Variants in PBX3 observed in about 807,000 individuals in gnomAD.
PBX3 encodes PBX homeobox 3.
PBX3 carries 14 observed loss-of-function variants against 48.5 expected under a neutral mutation model. The observed-to-expected ratio is 0.29, with a 90% CI of 0.19 to 0.45. PBX3 has a LOEUF of 0.45. Ranked by LOEUF, PBX3 falls within the 20% of genes least tolerant of loss-of-function variation. PBX3 has a pLI of 1.00. For synonymous variants in PBX3, 210 were observed against 200.3 expected, an observed-to-expected ratio of 1.05 and a Z score of -0.41; for missense variants, 386 against 546.7, an observed-to-expected ratio of 0.71 and a Z score of 2.93.
chr9:125,780,778 C>G (rs1231200346), intron 2 of PBX3, among the ~76,000 whole-genome samples: 11 of 128,552 alleles, frequency 8.6e-5, no homozygotes, highest in South Asian at 5.4e-4. Flanking sequence ...GGGGGGCTGA[C>G]CCCCCCACCT....
intron 2 of PBX3, among the ~76,000 whole-genome samples, chr9:125,833,854 T>C (rs1839039889): frequency 6.6e-6 from 1 of 152,228 alleles, no homozygotes; most frequent in African/African-American, 2.4e-5. Flanking sequence ...TTTTCTTTGG[T>C]ATATACCTTG....
chr9:125,952,991 TAA>T (rs538418159), intron 5 of PBX3, among the ~76,000 whole-genome samples: 1 of 142,016 alleles, frequency 7.0e-6, no homozygotes, highest in African/African-American at 2.6e-5. Flanking sequence ...TTTACCAAAA[TAA>T]AAAAAAAAAG....
intron 2 of PBX3, among the ~76,000 whole-genome samples, chr9:125,791,297 GTCTGTCTA>G (rs1337203989): frequency 0.1 from 13,260 of 127,558 alleles, 625 homozygotes; most frequent in East Asian, 0.15. Flanking sequence ...CTGTCTGTCT[GTCTGTCTA>G]TCTATCTATC....
chr9:125,964,459 C>T (rs1437951427), intron 8 of PBX3, among the ~76,000 whole-genome samples: 2 of 151,278 alleles, frequency 1.3e-5, no homozygotes, highest in Non-Finnish European at 2.9e-5. Context: ...CACACATGGG[C>T]ATGTCATTAG....
chr9:125,798,433 GT>G (rs1279710560), intron 2 of PBX3, among the ~76,000 whole-genome samples: 1 of 152,000 alleles, frequency 6.6e-6, no homozygotes, highest in Non-Finnish European at 1.5e-5. Context: ...GCCCCTTGAT[GT>G]TGATTGTTAA....
chr9:125,831,088 A>G (rs1838949993), intron 2 of PBX3, among the ~76,000 whole-genome samples: 1 of 152,154 alleles, frequency 6.6e-6, no homozygotes, highest in Admixed American at 6.5e-5. Context: ...TTCCTGTAGA[A>G]TGCCCCAATT....
intron 2 of PBX3, among the ~76,000 whole-genome samples, chr9:125,899,797 A>G (rs1258810656): frequency 1.3e-5 from 2 of 151,762 alleles, no homozygotes; most frequent in Non-Finnish European, 3.0e-5. Flanking sequence ...AATATTTCCT[A>G]TTAAATTTAT....
chr9:125,895,423 A>G (rs1478133040), intron 2 of PBX3, among the ~76,000 whole-genome samples: 1 of 152,094 alleles, frequency 6.6e-6, no homozygotes, highest in African/African-American at 2.4e-5. Flanking sequence ...CTAAGGATTT[A>G]TTATTCCAAA....
At chr9:125,845,181 C>T (rs7038355) in intron 2 of PBX3, among the ~76,000 whole-genome samples, 3,905 of 152,136 alleles carry the variant, frequency 0.026, 66 homozygotes, top group Middle Eastern at 0.051. Context: ...ATTCCCTAAC[C>T]GGTATACTTT....
intron 2 of PBX3, among the ~76,000 whole-genome samples, chr9:125,862,529 G>A (rs1175206073): frequency 6.6e-6 from 1 of 152,066 alleles, no homozygotes; most frequent in African/African-American, 2.4e-5. Flanking sequence ...TAGGATTGCA[G>A]GAGTGTGCCA....
intron 2 of PBX3, among the ~76,000 whole-genome samples, chr9:125,788,874 CAAAA>C (rs199772154): frequency 2.2e-5 from 3 of 139,232 alleles, no homozygotes; most frequent in African/African-American, 7.9e-5. Flanking sequence ...GACTCCATCT[CAAAA>C]AAAAAAAAGG....
At chr9:125,934,655 A>G (rs1841795134) in intron 4 of PBX3, among the ~76,000 whole-genome samples, 1 of 152,156 alleles carries the variant, frequency 6.6e-6, no homozygotes, top group Admixed American at 6.5e-5. Context: ...ACCTCAGTCC[A>G]GGAAGTTGCT....
chr9:125,827,324 T>C (rs1460349449), intron 2 of PBX3, among the ~76,000 whole-genome samples: 1 of 152,172 alleles, frequency 6.6e-6, no homozygotes, highest in African/African-American at 2.4e-5. Flanking sequence ...ATGTTAACAT[T>C]TTGCCATCTC....
rs371254057 is a variant in PBX3, at chr9:125,813,031, T to C, written c.274+64408T>C. ...ACTACCGCACACTTTATATATGATG[T>C]ACACTTAGGCTATACTAAATTTATA... is the stretch of plus-strand genomic sequence containing the variant. On this transcript the variant is annotated intron_variant, in intron 2 of 8. Transcript: ENST00000373489. Among the ~76,000 whole-genome samples, 20 of 152,340 alleles carry C rather than the reference T, an allele frequency of 1.3e-4. 1 individual carries two copies. The highest frequency in any genetic ancestry group is 1.2e-3 in the East Asian group (6 of 5,190).
chr9:125,751,961 G>C (rs941509910), intron 2 of PBX3, among the ~76,000 whole-genome samples: 8 of 151,724 alleles, frequency 5.3e-5, no homozygotes, highest in Non-Finnish European at 5.9e-5. Context: ...TTTAAGTGAA[G>C]GAAATAGTTC....
intron 2 of PBX3, among the ~76,000 whole-genome samples, chr9:125,837,826 G>A (rs531525390): frequency 1.3e-5 from 2 of 152,128 alleles, no homozygotes; most frequent in Non-Finnish European, 2.9e-5. Flanking sequence ...TCCTGACCTT[G>A]TGATCCGCCC....
At chr9:125,840,142 T>C (rs975836282) in intron 2 of PBX3, among the ~76,000 whole-genome samples, 2 of 152,140 alleles carry the variant, frequency 1.3e-5, no homozygotes, top group South Asian at 2.1e-4. Flanking sequence ...AGATTAATAA[T>C]TGTGACTTGT....
chr9:125,908,281 G>T (rs1331524123), intron 2 of PBX3, among the ~76,000 whole-genome samples: 2 of 152,056 alleles, frequency 1.3e-5, no homozygotes, highest in African/African-American at 4.8e-5. Context: ...CACACACGAT[G>T]CCCTCAGTGT....
chr9:125,776,012 A>G (rs1050181011), intron 2 of PBX3, among the ~76,000 whole-genome samples: 7 of 152,184 alleles, frequency 4.6e-5, no homozygotes, highest in African/African-American at 1.4e-4. Flanking sequence ...GAAATTTTCT[A>G]TACATAGGGT....
Sources: allele counts gnomAD v4.1 joint callset (sites outside exome capture counted in the v4.1 genomes callset), GRCh38; gene constraint gnomAD v4.1.1; transcripts MANE v1.5; gene names NCBI Gene and HGNC (gene_info 2026-07-23, HGNC 2026-07-21).